Variants in VPS28 observed in about 807,000 individuals in gnomAD.
VPS28 encodes the protein vacuolar protein sorting-associated protein 28 homolog.
In VPS28, 29 loss-of-function variants were observed where a neutral mutation model predicts 33.7. The ratio of observed to expected loss-of-function variants is 0.86; its 90% CI spans 0.64 to 1.17. VPS28 has a LOEUF of 1.17. VPS28 is among the 50% of genes most tolerant of loss of function. VPS28 has a pLI of 0.00. For missense variants in VPS28, 247 were observed against 312.2 expected (o/e 0.79, Z 1.57); for synonymous variants, 164 against 116.7 (o/e 1.40, Z -2.61).
At chr8:144,426,846 C>T (rs1822792342) in intron 2 of VPS28, 63 bp downstream of exon 2, 4 of 1,593,128 alleles carry the variant, frequency 2.5e-6, no homozygotes, top group Admixed American at 1.7e-5. Context: ...CCCCAATACC[C>T]AATACTGCCC....
chr8:144,425,164 A>C (rs1822647629), intron 5 of VPS28, 113 bp from the exon 6 acceptor site: 1 of 930,806 alleles, frequency 1.1e-6, no homozygotes, highest in Non-Finnish European at 1.7e-6. Context: ...GGCGACAGGC[A>C]AAGGCAGGCC....
rs1822609333 is a variant in VPS28 at position 144,424,781 on chromosome 8, G to A, written c.339C>T (p.Asp113=). The A allele has an allele frequency of 2.5e-6, 4 of 1,613,716 alleles. No homozygotes were observed. The African/African-American group carries it at 4.0e-5, about 16-fold the overall frequency. Residue 113 remains aspartate, a synonymous_variant, in exon 7 of 10, where the codon GAC becomes GAT. Transcript: ENST00000292510. ...CPLAMERIKE[D]RPITIKDDKG... ...TGTCGTCCTTGATGGTGATGGGCCG[G>A]TCCTCCTTGATCCGCTCCATGGCCA...
At chr8:144,425,873 A>C in intron 4 of VPS28, 101 bp from the exon 5 acceptor site, 1 of 1,566,744 alleles carries the variant, frequency 6.4e-7, no homozygotes, top group African/African-American at 1.3e-5. Flanking sequence ...CGCTCTGCCC[A>C]CCTCTTGCTC....
chr8:144,424,628 G>A lies in VPS28; in HGVS notation c.402+90C>T, dbSNP rs536479540. 7 of 1,378,372 alleles carry A rather than the reference G, an allele frequency of 5.1e-6. No individual in the cohort carries two copies. In the East Asian group the frequency reaches 1.4e-4, roughly 27 times the overall value. The allele number at this position is 1,378,372 out of a possible 1,614,324, so 85.4% of individuals were successfully genotyped here. On this transcript the variant is annotated intron_variant, in intron 7 of 9. Coordinates refer to ENST00000292510, the MANE Select transcript of VPS28 (RefSeq NM_016208.4). ...GCCCAGCAAGTCAGAGTGCTGCTCA[G>A]CTCTGGAGGCCCAGGACCCTACGCT...
chr8:144,428,433 T>C (rs1043214997), intron 1 of VPS28, 56 bp downstream of exon 1: 5 of 152,368 alleles, frequency 3.3e-5, no homozygotes, highest in African/African-American at 1.2e-4. Context: ...TGCCAGGCCC[T>C]GAGTCGCCTC....
Position 144,425,749 on chromosome 8 carries a change from A to G in VPS28, c.128T>C (p.Phe43Ser). ...REKYDNMAELFAVVKTMQALE... is the reference protein window; with the variant it reads ...REKYDNMAELSAVVKTMQALE... ...GGCTTGCATTGTCTTCACCACCGCA[A>G]ACAGCTCTGCCATGTTGTCGTACCT... Residue 43 changes from phenylalanine to serine, a missense_variant, in exon 5 of 10, where the codon TTT (phenylalanine) becomes TCT (serine). This residue lies in a region of VPS28 where 149 missense variants were observed against 172.8 expected (regional missense o/e 0.86). Transcript: ENST00000292510. 6.2e-7 allele frequency: 1 copy of G among 1,613,916 alleles called. No individual in the cohort carries two copies. The highest frequency in any genetic ancestry group is 8.5e-7 in the Non-Finnish European group (1 of 1,179,930).
In VPS28 at chr8:144,426,074, G is replaced by C. The variant is rs368305705; in HGVS notation, c.67-11C>G. The C allele has an allele frequency of 6.5e-7, 1 of 1,549,214 alleles. No homozygotes were observed. The highest frequency in any genetic ancestry group is 8.7e-7 in the Non-Finnish European group (1 of 1,143,860). ...GTACAACTTCACTTCCTGCCGGAGA[G>C]AGCGGGCTCTGTGGGCCAGTGCCAA... On this transcript the variant is annotated splice_polypyrimidine_tract_variant and intron_variant, in intron 3 of 9. Transcript: ENST00000292510.
intron 1 of VPS28, chr8:144,427,373 G>A: frequency 5.8e-6 from 1 of 171,898 alleles, no homozygotes; most frequent in South Asian, 1.1e-4. Context: ...GGAGACCCAG[G>A]GCTCCATGAA....
At chr8:144,426,354 C>A in intron 2 of VPS28, 146 bp from the exon 3 acceptor site, 2 of 1,077,320 alleles carry the variant, frequency 1.9e-6, no homozygotes, top group Non-Finnish European at 2.6e-6. Context: ...ACAGAGGTTC[C>A]AACCTCACCC....
At chr8:144,426,235 G>C (rs376939918) in intron 2 of VPS28, 27 bp from the exon 3 acceptor site, 1 of 1,585,016 alleles carries the variant, frequency 6.3e-7, no homozygotes, top group Admixed American at 1.8e-5. Context: ...AGAGCTGGCA[G>C]GCTGGCCCCA....
At position 144,424,934 on chromosome 8, in the gene VPS28, C is replaced by T. The variant is rs1443728332; in HGVS notation, c.300+12G>A. ...GTCTCGCCCCATGGGGGTGGAAGGA[C>T]CAGGCACTCACGCGGAACTTGCGGC... On this transcript the variant is annotated intron_variant, in intron 6 of 9. Coordinates refer to ENST00000292510, the MANE Select transcript of VPS28 (RefSeq NM_016208.4). 6 of 1,595,834 alleles carry T rather than the reference C, an allele frequency of 3.8e-6. No individual in the cohort carries two copies. The highest frequency in any genetic ancestry group is 5.1e-6 in the Non-Finnish European group (6 of 1,170,778).
rs1554876974 is a variant in VPS28, at chr8:144,426,942, A to ACATCC, written c.-2_3dup (p.Phe2GlyfsTer12). On this transcript the variant is annotated frameshift_variant, in exon 2 of 10. Transcript: ENST00000292510. LOFTEE classifies it high-confidence loss of function. ...CCCGGCGTGGCTGGGATCCCATGAA[A>ACATCC]CATCCTCTAGGCTCTGGGGGGGGCA... 8 of 1,612,184 alleles carry ACATCC rather than the reference A, an allele frequency of 5.0e-6. No individual in the cohort carries two copies.
At chr8:144,426,770 CTATT>C (rs1487921365) in intron 2 of VPS28, 135 bp downstream of exon 2, 15 of 886,990 alleles carry the variant, frequency 1.7e-5, no homozygotes, top group Middle Eastern at 4.5e-4. Context: ...CTGCAATGAA[CTATT>C]TAGCCCCTGG....
chr8:144,426,597 C>T (rs1450069272), intron 2 of VPS28: 1 of 459,826 alleles, frequency 2.2e-6, no homozygotes, highest in East Asian at 4.1e-5. Flanking sequence ...GCTCGTGGCT[C>T]ATGATGCAGT....
intron 5 of VPS28, chr8:144,425,472 GC>G: frequency 1.7e-6 from 1 of 598,206 alleles, no homozygotes; most frequent in Non-Finnish European, 3.0e-6. Flanking sequence ...GGGGGAGTGG[GC>G]CGGATGACAC....
chr8:144,427,027 C>A (rs61498915), intron 1 of VPS28, 48 bp from the exon 2 acceptor site: 2 of 1,461,862 alleles, frequency 1.4e-6, no homozygotes, highest in Non-Finnish European at 1.9e-6. Flanking sequence ...CTAAGCCAGG[C>A]GCTGGCTCAC....
intron 5 of VPS28, chr8:144,425,292 C>T: frequency 1.9e-6 from 1 of 534,640 alleles, no homozygotes; most frequent in Non-Finnish European, 3.4e-6. Flanking sequence ...ACCCTCTGAA[C>T]CACAGCGACC....
intron 2 of VPS28, 98 bp from the exon 3 acceptor site, chr8:144,426,306 C>A: frequency 7.0e-7 from 1 of 1,429,108 alleles, no homozygotes; most frequent in Non-Finnish European, 9.2e-7. Flanking sequence ...CTGAGGCCTC[C>A]CAGGCTGGGT....
chr8:144,426,707 G>T (rs1166926836), intron 2 of VPS28: 1 of 589,882 alleles, frequency 1.7e-6, no homozygotes, highest in Non-Finnish European at 3.0e-6. Flanking sequence ...CATCATCTCT[G>T]CCCAGCAGGA....
Sources: gnomAD v4.1 joint callset for allele counts on GRCh38, gnomAD v4.1.1 for gene constraint, gnomAD v4.1.1 regional missense constraint, MANE v1.5 for transcripts, NCBI Gene and HGNC (gene_info 2026-07-23, HGNC 2026-07-21) for gene names.